TENM4: variants seen among roughly 807,000 people sequenced by gnomAD.
The protein encoded by TENM4 is teneurin transmembrane protein 4.
A neutral mutation model predicts 243.3 loss-of-function variants in TENM4; 82 were observed. The ratio of observed to expected loss-of-function variants is 0.34; its 90% CI spans 0.28 to 0.40. The LOEUF is 0.40. TENM4 is among the 10% of genes least tolerant of loss of function. The pLI is 1.00. For missense variants in TENM4, 3,138 were observed against 3,673.3 expected (o/e 0.85, Z 3.77); for synonymous variants, 1,412 against 1,456.3 (o/e 0.97, Z 0.69).
intron 3 of TENM4, among the ~76,000 whole-genome samples, chr11:79,189,318 G>C (rs140736090): frequency 6.6e-6 from 1 of 152,286 alleles, no homozygotes; most frequent in African/African-American, 2.4e-5. Flanking sequence ...TTCAGAGGCA[G>C]TTAGCCACCA....
At chr11:78,990,538 C>T (rs150015056) in intron 6 of TENM4, among the ~76,000 whole-genome samples, 9 of 152,168 alleles carry the variant, frequency 5.9e-5, no homozygotes, top group South Asian at 2.1e-4. Context: ...AAATATACTG[C>T]GAGGGAGTAA....
chr11:79,074,582 C>G (rs1247140229), intron 4 of TENM4, among the ~76,000 whole-genome samples: 1 of 152,232 alleles, frequency 6.6e-6, no homozygotes, highest in Non-Finnish European at 1.5e-5. Context: ...ACAGAGCAAC[C>G]TGTCTCTCGC....
Position 79,300,234 on chromosome 11 carries a change from C to G in TENM4, c.-320-2691G>C, listed in dbSNP as rs192792751. Among the ~76,000 whole-genome samples, 33 of 152,300 alleles carry G rather than the reference C, an allele frequency of 2.2e-4. 1 individual carries two copies. In the East Asian group the frequency reaches 6.2e-3, roughly 28 times the overall value. ...CATCAATATGATTTTAGATATACTT[C>G]CTTTTAAGCTTTTTTGTATGAATAC... On this transcript the variant is annotated intron_variant, in intron 1 of 33. Coordinates refer to ENST00000278550, the MANE Select transcript of TENM4 (RefSeq NM_001098816.3).
intron 4 of TENM4, among the ~76,000 whole-genome samples, chr11:79,134,303 C>G (rs1862067667): frequency 6.6e-6 from 1 of 152,072 alleles, no homozygotes; most frequent in Admixed American, 6.6e-5. Context: ...GTCAAAAGAT[C>G]TCTACAAGGA....
intron 2 of TENM4, among the ~76,000 whole-genome samples, chr11:79,289,654 T>G (rs1003446688): frequency 6.6e-6 from 1 of 152,222 alleles, no homozygotes; most frequent in Non-Finnish European, 1.5e-5. Context: ...AAGAGCATGC[T>G]CCAATAAACT....
At chr11:79,349,263 A>C (rs1202051043) in intron 1 of TENM4, among the ~76,000 whole-genome samples, 1 of 152,198 alleles carries the variant, frequency 6.6e-6, no homozygotes, top group South Asian at 2.1e-4. Flanking sequence ...TTCCACACCT[A>C]GGAAGTCTCT....
chr11:79,127,488 G>A (rs1861904853), intron 4 of TENM4, among the ~76,000 whole-genome samples: 1 of 141,118 alleles, frequency 7.1e-6, no homozygotes, highest in Non-Finnish European at 1.6e-5. Context: ...TACCTGGTAT[G>A]CAGCCATTGA....
At chr11:78,799,857 G>C (rs1360276195) in intron 15 of TENM4, among the ~76,000 whole-genome samples, 1 of 152,176 alleles carries the variant, frequency 6.6e-6, no homozygotes, top group Non-Finnish European at 1.5e-5. Context: ...ATAAAATATA[G>C]GGAGAGGGCC....
At chr11:79,262,458 TGAC>T (rs1855814881) in intron 2 of TENM4, among the ~76,000 whole-genome samples, 1 of 152,174 alleles carries the variant, frequency 6.6e-6, no homozygotes, top group African/African-American at 2.4e-5. Context: ...CCAGTCTTGA[TGAC>T]TAAATTACTA....
chr11:79,278,512 G>A (rs1302234587), intron 2 of TENM4, among the ~76,000 whole-genome samples: 2 of 152,200 alleles, frequency 1.3e-5, no homozygotes, highest in African/African-American at 4.8e-5. Flanking sequence ...AGCAGGAGCC[G>A]CTGAGAACCT....
chr11:79,236,902 C>T (rs966140596), intron 2 of TENM4, among the ~76,000 whole-genome samples: 3 of 152,184 alleles, frequency 2.0e-5, no homozygotes, highest in Non-Finnish European at 4.4e-5. Context: ...ACAGCTGTGG[C>T]GTAGGCTCTG....
At chr11:79,270,388 A>T (rs1223037617) in intron 2 of TENM4, among the ~76,000 whole-genome samples, 1 of 152,190 alleles carries the variant, frequency 6.6e-6, no homozygotes, top group Non-Finnish European at 1.5e-5. Context: ...ATGGCATGTG[A>T]ATTATATTCA....
intron 2 of TENM4, among the ~76,000 whole-genome samples, chr11:79,216,700 C>T (rs576840830): frequency 6.6e-5 from 10 of 152,310 alleles, no homozygotes; most frequent in Admixed American, 2.0e-4. Flanking sequence ...CTTGCCCTTC[C>T]GCCTTTTCCC....
chr11:79,343,765 C>T (rs924699603), intron 1 of TENM4, among the ~76,000 whole-genome samples: 6 of 152,200 alleles, frequency 3.9e-5, no homozygotes, highest in African/African-American at 1.4e-4. Flanking sequence ...TAGTTCTTGT[C>T]CTGGCACCCA....
chr11:78,676,266 G>C lies in TENM4; in HGVS notation c.5382C>G (p.Thr1794=). The change falls in exon 30 of 34, where the codon ACC becomes ACG. Residue 1794 remains threonine, a synonymous_variant. Coordinates refer to ENST00000278550, the MANE Select transcript of TENM4 (RefSeq NM_001098816.3). ...GCAGCGTGACATTCCTCTTGCCCAC[G>C]GTGGGGTTGACGGTGCCAGCCAGCA... ...PHLLAGTVNP[T]VGKRNVTLPI... 6.2e-7 allele frequency: 1 copy of C among 1,612,732 alleles called. No individual in the cohort carries two copies.
chr11:78,913,598 T>C (rs1014034338), intron 6 of TENM4, among the ~76,000 whole-genome samples: 44 of 145,392 alleles, frequency 3.0e-4, no homozygotes, highest in Middle Eastern at 3.5e-3. Flanking sequence ...TGTGTGTGTG[T>C]GTGTGTGTGT....
chr11:79,160,249 G>A (rs1280438481), intron 3 of TENM4, among the ~76,000 whole-genome samples: 1 of 152,146 alleles, frequency 6.6e-6, no homozygotes, highest in Non-Finnish European at 1.5e-5. Context: ...CTCCTGGTGT[G>A]CAGGGGATAT....
At chr11:79,138,998 AAAATATATATTATATTTCTAT>A (rs1862194021) in intron 4 of TENM4, among the ~76,000 whole-genome samples, 9 of 49,504 alleles carry the variant, frequency 1.8e-4, no homozygotes, top group African/African-American at 5.4e-4. Flanking sequence ...ATAAATATAT[AAAATATATATTATATTTCTAT>A]AAATATATAT....
In TENM4 at chr11:78,903,396, C is replaced by T; in HGVS notation, c.621G>A (p.Pro207=). 1.3e-6 allele frequency: 2 copies of T among 1,535,618 alleles called. No homozygotes were observed. The highest frequency in any genetic ancestry group is 1.8e-6 in the Non-Finnish European group (2 of 1,138,946). ...INSLNRGNFT[P]RSNPSPAPTD... is the part of the protein sequence containing the mutation. ...TGGGGGCCGGGCTGGGGTTGCTCCT[C>T]GGCGTGAAGTTGCCCCGGTTCAGGG... The change falls in exon 7 of 34, where the codon CCG becomes CCA. Residue 207 remains proline (P), a synonymous_variant. Transcript: ENST00000278550.
Sources: gnomAD v4.1 joint callset for allele counts (sites outside exome capture counted in the v4.1 genomes callset) on GRCh38, gnomAD v4.1.1 for gene constraint, MANE v1.5 for transcripts, NCBI Gene and HGNC (gene_info 2026-07-23, HGNC 2026-07-21) for gene names.